The following CDH11 variants were observed in gnomAD, a reference collection of about 807,000 sequenced individuals.
The protein encoded by CDH11 is cadherin-11.
In CDH11, 11 loss-of-function variants were observed where a neutral mutation model predicts 67.8. The ratio of observed to expected loss-of-function variants is 0.16; its 90% CI spans 0.10 to 0.27. CDH11 has a LOEUF of 0.27. Among genes scored for constraint, CDH11 ranks in the 10% least tolerant of loss-of-function variants. CDH11 has a pLI of 1.00. For synonymous variants in CDH11, 419 were observed against 400.0 expected, an observed-to-expected ratio of 1.05 and a Z score of -0.57; for missense variants, 847 against 1,031.2, an observed-to-expected ratio of 0.82 and a Z score of 2.45.
intron 1 of CDH11, among the ~76,000 whole-genome samples, chr16:65,099,505 G>A (rs2074954874): frequency 6.6e-6 from 1 of 152,142 alleles, no homozygotes; most frequent in African/African-American, 2.4e-5. Flanking sequence ...TTTCCTGATA[G>A]AGTGGCAGAA....
chr16:65,100,331 A>C (rs2074968670), intron 1 of CDH11, among the ~76,000 whole-genome samples: 1 of 152,192 alleles, frequency 6.6e-6, no homozygotes, highest in Non-Finnish European at 1.5e-5. Flanking sequence ...TAGGAGAAGA[A>C]GACTGGAAGA....
chr16:65,049,560 A>G (rs1407794920), intron 2 of CDH11, among the ~76,000 whole-genome samples: 1 of 152,200 alleles, frequency 6.6e-6, no homozygotes, highest in African/African-American at 2.4e-5. Flanking sequence ...ATGCTCAGAA[A>G]ATATCAATGT....
At chr16:64,972,134 G>T in intron 9 of CDH11, 70 bp from the exon 10 acceptor site, 2 of 1,430,864 alleles carry the variant, frequency 1.4e-6, no homozygotes, top group Non-Finnish European at 2.0e-6. Flanking sequence ...GCATATTCTT[G>T]GGAAAGAGTA....
In CDH11 at chr16:64,950,806, C is replaced by T. The variant is rs769244467; in HGVS notation, c.1855G>A (p.Ala619Thr). ...ATGCAGGCGAGGATGGCGATCAGGGCGCCTGTGCTCAGGCCGGCGTTCAGA... is the reference window on the plus strand; with the variant it reads ...ATGCAGGCGAGGATGGCGATCAGGGTGCCTGTGCTCAGGCCGGCGTTCAGA... ...YILNAGLSTGALIAILACIVI... is the reference protein window; with the variant it reads ...YILNAGLSTGTLIAILACIVI... Residue 619 changes from alanine to threonine, a missense_variant, in exon 12 of 13, where the codon GCC becomes ACC. Physicochemically the swap from Ala to Thr is moderately conservative, Grantham distance 58. This residue lies in a region of CDH11 where 612 missense variants were observed against 678.7 expected (regional missense o/e 0.90). Transcript: ENST00000268603. The T allele has an allele frequency of 1.9e-6, 3 of 1,614,118 alleles. No individual in the cohort carries two copies. The highest frequency in any genetic ancestry group is 1.7e-5 in the Admixed American group (1 of 60,026).
chr16:65,091,646 G>T (rs1002829494), intron 1 of CDH11, among the ~76,000 whole-genome samples: 1 of 151,504 alleles, frequency 6.6e-6, no homozygotes, highest in Non-Finnish European at 1.5e-5. Flanking sequence ...CCGCCTCCTG[G>T]GTTCACGCCA....
In CDH11 at chr16:64,950,882, G is replaced by A. The variant is rs1418211293; in HGVS notation, c.1779C>T (p.Cys593=). 2 of 1,614,084 alleles carry A rather than the reference G, an allele frequency of 1.2e-6. No individual in the cohort carries two copies. The highest frequency in any genetic ancestry group is 1.7e-5 in the Admixed American group (1 of 60,010). Residue 593 remains cysteine, a synonymous_variant, in exon 12 of 13, where the codon TGC becomes TGT. Coordinates refer to ENST00000268603, the MANE Select transcript of CDH11 (RefSeq NM_001797.4). ...SSTNTLTIKV[C]GCDVNGALLS... is the part of the protein sequence containing the mutation. The stretch of plus-strand genomic sequence containing the variant: ...GCAGTGCCCCGTTCACGTCGCACCC[G>A]CAGACTTTGATGGTGAGGGTGTTGG...
chr16:65,041,229 C>A (rs1466745854), intron 2 of CDH11, among the ~76,000 whole-genome samples: 1 of 152,166 alleles, frequency 6.6e-6, no homozygotes, highest in Non-Finnish European at 1.5e-5. Flanking sequence ...TTTTCTTTCT[C>A]CTCCAGCACC....
Position 65,004,903 on chromosome 16 carries a change from C to G in CDH11, c.-34G>C. The G allele has an allele frequency of 2.7e-6, 4 of 1,475,044 alleles. No homozygotes were observed. Among genetic ancestry groups the G allele is most frequent in the Non-Finnish European group, 3.6e-6 (4 of 1,106,694 alleles). The allele number at this position is 1,475,044 out of a possible 1,614,324, so 91.4% of individuals were successfully genotyped here. The stretch of plus-strand genomic sequence containing the variant: ...ACGTGGTAGGCACAGGAGAATGCAG[C>G]TGTCACCCCTTCCACCAACTGTACG... On this transcript the variant is annotated 5_prime_UTR_variant, in exon 3 of 13. Transcript: ENST00000268603.
intron 2 of CDH11, among the ~76,000 whole-genome samples, chr16:65,010,402 T>C (rs1045135917): frequency 2.0e-5 from 3 of 152,190 alleles, no homozygotes; most frequent in Admixed American, 1.3e-4. Flanking sequence ...ACAGGAATTA[T>C]GCCATGTCTG....
At chr16:64,957,599 T>TAC (rs1412102636) in intron 11 of CDH11, among the ~76,000 whole-genome samples, 6 of 47,280 alleles carry the variant, frequency 1.3e-4, no homozygotes, top group Non-Finnish European at 2.2e-4. Flanking sequence ...CACATGCCCG[T>TAC]GCACACACAC....
chr16:65,053,168 A>T (rs1049998214), intron 2 of CDH11, among the ~76,000 whole-genome samples: 4 of 152,242 alleles, frequency 2.6e-5, no homozygotes, highest in Non-Finnish European at 5.9e-5. Context: ...TCCTGTGAAT[A>T]TTGCTCCAGT....
rs1027706636 is a variant in CDH11, at chr16:64,943,819, G to A, written c.*3784C>T. 5.9e-5 allele frequency: 13 copies of A among 219,952 alleles called. No homozygotes were observed. The East Asian group carries it at 8.6e-4, about 15-fold the overall frequency. 13.6% of individuals were successfully genotyped at this position (219,952 alleles called of 1,614,324 possible). On this transcript the variant is annotated 3_prime_UTR_variant, in exon 13 of 13. Coordinates refer to ENST00000268603, the MANE Select transcript of CDH11 (RefSeq NM_001797.4). ...TTTCAGGCACTGTGTAAAGAACTGA[G>A]TATACAATGGTAAACAAGAAAGCAA...
intron 1 of CDH11, among the ~76,000 whole-genome samples, chr16:65,085,339 G>A (rs1291199167): frequency 1.3e-5 from 2 of 152,190 alleles, no homozygotes; most frequent in East Asian, 1.9e-4. Flanking sequence ...AGATAACCTG[G>A]GTTGCTGCCC....
intron 1 of CDH11, among the ~76,000 whole-genome samples, chr16:65,081,937 G>GA (rs56112833): frequency 0.91 from 138,514 of 152,170 alleles, 63,122 homozygotes; most frequent in East Asian, 1. Flanking sequence ...AAGGGAAGCA[G>GA]GGGGAGAAAA....
At chr16:65,123,046 G>T (rs986164073), upstream of CDH11, among the ~76,000 whole-genome samples, 13 of 152,196 alleles carry the variant, frequency 8.5e-5, no homozygotes, top group Admixed American at 6.5e-4. Context: ...TCGCTACCGT[G>T]AGGGTTCCCC....
At chr16:65,033,603 G>A (rs553890010) in intron 2 of CDH11, among the ~76,000 whole-genome samples, 1 of 152,204 alleles carries the variant, frequency 6.6e-6, no homozygotes, top group East Asian at 1.9e-4. Flanking sequence ...CAGGCATGGT[G>A]TTGTGTGCCT....
chr16:64,967,701 A>G (rs1014173074), intron 11 of CDH11, among the ~76,000 whole-genome samples: 2 of 151,926 alleles, frequency 1.3e-5, no homozygotes, highest in Admixed American at 6.6e-5. Context: ...TTTTTTTTTA[A>G]GAAAAGAAAT....
intron 2 of CDH11, 141 bp from the exon 3 acceptor site, chr16:65,005,182 C>T (rs553221034): frequency 1.5e-6 from 1 of 664,550 alleles, no homozygotes; most frequent in Non-Finnish European, 2.2e-6. Context: ...CTGCTTTGAG[C>T]TCAGCTTGCT....
chr16:64,947,313 T>C lies in CDH11; in HGVS notation c.*290A>G. 1 of 1,188,822 alleles carries C rather than the reference T, an allele frequency of 8.4e-7. No individual in the cohort carries two copies. The highest frequency in any genetic ancestry group is 1.0e-6 in the Non-Finnish European group (1 of 956,248). 73.6% of individuals were successfully genotyped at this position (1,188,822 alleles called of 1,614,324 possible). ...ACACATAAACAATTTCCCTTCATTGTCAGTTCAGCGTTAGACTTCTCCTTC... is the reference window on the plus strand; with the variant it reads ...ACACATAAACAATTTCCCTTCATTGCCAGTTCAGCGTTAGACTTCTCCTTC... On this transcript the variant is annotated 3_prime_UTR_variant, in exon 13 of 13. Coordinates refer to ENST00000268603, the MANE Select transcript of CDH11 (RefSeq NM_001797.4).
Sources: gnomAD v4.1 joint callset for allele counts (sites outside exome capture counted in the v4.1 genomes callset) on GRCh38, gnomAD v4.1.1 for gene constraint, gnomAD v4.1.1 regional missense constraint, MANE v1.5 for transcripts, NCBI Gene and HGNC (gene_info 2026-07-23, HGNC 2026-07-21) for gene names.